TENT5D: variants seen among roughly 807,000 people sequenced by gnomAD.
TENT5D encodes terminal nucleotidyltransferase 5D, also known as cancer/testis antigen 112.
For missense variants in TENT5D, 191 were observed against 287.0 expected (o/e 0.67, Z 2.42); for synonymous variants, 103 against 100.6 (o/e 1.02, Z -0.15).
intron 2 of TENT5D, 23 bp from the exon 3 acceptor site, chrX:80,442,499 C>T (rs748468492): frequency 2.8e-6 from 3 of 1,080,803 alleles, no homozygotes; most frequent in Middle Eastern, 2.8e-4. Flanking sequence ...ATATTTCTTC[C>T]CAATATTTTG....
chrX:80,438,108 G>A (rs1461025946), intron 1 of TENT5D, among the ~76,000 whole-genome samples: 4 of 111,131 alleles, frequency 3.6e-5, no homozygotes, highest in African/African-American at 1.3e-4. Flanking sequence ...AGTGGAAATA[G>A]CCAAAATATG....
chrX:80,436,054 A>G (rs1932176723), intron 1 of TENT5D, among the ~76,000 whole-genome samples: 1 of 111,348 alleles, frequency 9.0e-6, no homozygotes, highest in African/African-American at 3.3e-5. Flanking sequence ...ATGTACCTCT[A>G]TTTTTTTACA....
chrX:80,397,256 C>T (rs1257057329), intron 3 of TENT5D, among the ~76,000 whole-genome samples: 4 of 90,208 alleles, frequency 4.4e-5, no homozygotes, highest in Non-Finnish European at 8.8e-5. Context: ...CAGACGGGGT[C>T]GCAGCTGGGC....
At chrX:80,426,474 G>A (rs1465011263) in intron 1 of TENT5D, among the ~76,000 whole-genome samples, 1 of 111,652 alleles carries the variant, frequency 9.0e-6, no homozygotes, top group East Asian at 2.8e-4. Flanking sequence ...GTTTGATCAT[G>A]AAGTGAGATT....
At chrX:80,436,369 G>A (rs1932181518) in intron 1 of TENT5D, among the ~76,000 whole-genome samples, 1 of 111,093 alleles carries the variant, frequency 9.0e-6, no homozygotes, top group Admixed American at 9.6e-5. Context: ...TATATTAAAA[G>A]TGCATTTGTT....
At chrX:80,371,421 G>A (rs1342268262) in intron 3 of TENT5D, among the ~76,000 whole-genome samples, 1 of 111,831 alleles carries the variant, frequency 8.9e-6, no homozygotes, top group East Asian at 2.8e-4. Flanking sequence ...TAACAATGGA[G>A]AGTCAGCCTG....
intron 3 of TENT5D, among the ~76,000 whole-genome samples, chrX:80,407,173 T>C (rs1236594358): frequency 9.4e-6 from 1 of 105,840 alleles, no homozygotes; most frequent in East Asian, 3.0e-4. Flanking sequence ...CCATCGAGAC[T>C]AGGAAGAAAC....
intron 3 of TENT5D, among the ~76,000 whole-genome samples, chrX:80,380,791 T>C (rs962361589): frequency 5.4e-5 from 6 of 111,405 alleles, no homozygotes; most frequent in Non-Finnish European, 1.1e-4. Context: ...CCCTGCTTTT[T>C]TTTGCTTTCC....
intron 1 of TENT5D, among the ~76,000 whole-genome samples, chrX:80,432,292 A>G (rs1932103417): frequency 8.9e-6 from 1 of 111,939 alleles, no homozygotes; most frequent in Non-Finnish European, 1.9e-5. Flanking sequence ...GTGTAGCCTC[A>G]GCCAGATACC....
At chrX:80,426,078 A>T (rs1036570943) in intron 1 of TENT5D, among the ~76,000 whole-genome samples, 5 of 110,857 alleles carry the variant, frequency 4.5e-5, no homozygotes, top group Admixed American at 9.7e-5. Flanking sequence ...CCTGAAGAAG[A>T]TTAAACATTA....
intron 3 of TENT5D, among the ~76,000 whole-genome samples, chrX:80,374,284 T>G (rs1602508112): frequency 9.0e-6 from 1 of 111,410 alleles, no homozygotes; most frequent in East Asian, 2.8e-4. Flanking sequence ...TATTTTCTAT[T>G]GTGAATAGTG....
intron 3 of TENT5D, among the ~76,000 whole-genome samples, chrX:80,391,426 A>G (rs1188335941): frequency 1.8e-5 from 2 of 112,438 alleles, no homozygotes; most frequent in African/African-American, 3.2e-5. Context: ...ATATTCTGCT[A>G]CTTTTTAAAC....
chrX:80,378,534 G>C (rs889964265), intron 3 of TENT5D, among the ~76,000 whole-genome samples: 2 of 110,940 alleles, frequency 1.8e-5, no homozygotes, highest in African/African-American at 6.6e-5. Flanking sequence ...ATTAAATAGG[G>C]CATCCTTTCC....
intron 3 of TENT5D, among the ~76,000 whole-genome samples, chrX:80,390,104 G>T (rs1356825232): frequency 9.0e-6 from 1 of 111,591 alleles, no homozygotes; most frequent in African/African-American, 3.3e-5. Flanking sequence ...AGGTAGCATA[G>T]ATAGCCATGA....
exon 3 of TENT5D, chrX:80,443,647 C>A (rs755766205): frequency 8.3e-7 from 1 of 1,203,704 alleles, no homozygotes; most frequent in Non-Finnish European, 1.1e-6. Context: ...ACCTGAGCCA[C>A]CCCCCGTTAG....
At chrX:80,368,873 G>C (rs749076087) in intron 3 of TENT5D, among the ~76,000 whole-genome samples, 1 of 111,736 alleles carries the variant, frequency 8.9e-6, no homozygotes, top group Admixed American at 9.6e-5. Context: ...AGAAAGCTTG[G>C]GGACCATGGA....
At chrX:80,419,265 ATATTTT>A (rs925906315), upstream of TENT5D, among the ~76,000 whole-genome samples, 17 of 112,105 alleles carry the variant, frequency 1.5e-4, no homozygotes, top group African/African-American at 5.5e-4. Context: ...CTGTACACGT[ATATTTT>A]TCTTTAAAAT....
At chrX:80,415,957 A>G (rs960659785), upstream of TENT5D, among the ~76,000 whole-genome samples, 1 of 110,958 alleles carries the variant, frequency 9.0e-6, no homozygotes, top group African/African-American at 3.3e-5. Context: ...TTTATTACTG[A>G]TTTGATTTTA....
chrX:80,407,711 C>T (rs1288196932), intron 3 of TENT5D, among the ~76,000 whole-genome samples: 3 of 108,038 alleles, frequency 2.8e-5, no homozygotes, highest in South Asian at 4.1e-4. Context: ...AAGTCAACAA[C>T]GATACCCAGG....
Sources: gnomAD v4.1 joint callset for allele counts (sites outside exome capture counted in the v4.1 genomes callset) on GRCh38, gnomAD v4.1.1 for gene constraint, MANE v1.5 for transcripts, NCBI Gene and HGNC (gene_info 2026-07-23, HGNC 2026-07-21) for gene names.